The following AFG2A variants were observed in gnomAD, a reference collection of about 807,000 sequenced individuals.
AFG2A encodes the protein ATPase family gene 2 protein homolog A.
the AFG2A span, among the ~76,000 whole-genome samples, chr4:122,989,146 G>T: frequency 6.6e-6 from 1 of 151,850 alleles, no homozygotes. Context: ...TTGTTCCTTT[G>T]GTGTCCTGTT....
At chr4:123,291,707 G>A in the AFG2A span, among the ~76,000 whole-genome samples, 3 of 152,182 alleles carry the variant, frequency 2.0e-5, no homozygotes, top group African/African-American at 7.2e-5. Flanking sequence ...TGGCTTATAA[G>A]GTTTCTGCTG....
the AFG2A span, among the ~76,000 whole-genome samples, chr4:123,242,910 A>G: frequency 6.6e-6 from 1 of 150,886 alleles, no homozygotes; most frequent in Non-Finnish European, 1.5e-5. Context: ...CAAGAAAAAA[A>G]ACAACCCCAT....
chr4:123,135,773 A>G, the AFG2A span, among the ~76,000 whole-genome samples: 1 of 152,328 alleles, frequency 6.6e-6, no homozygotes, highest in Non-Finnish European at 1.5e-5. Flanking sequence ...TTGAGCATCC[A>G]TGGAGTTTAG....
At chr4:123,089,070 A>G in the AFG2A span, among the ~76,000 whole-genome samples, 1 of 152,206 alleles carries the variant, frequency 6.6e-6, no homozygotes, top group African/African-American at 2.4e-5. Context: ...TATTTTAAAT[A>G]CTGGAGAAGA....
At chr4:122,996,305 A>C in the AFG2A span, among the ~76,000 whole-genome samples, 7 of 152,276 alleles carry the variant, frequency 4.6e-5, 1 homozygote, top group Admixed American at 4.6e-4. Context: ...TGTGGACATA[A>C]TTGTGTCTTG....
the AFG2A span, among the ~76,000 whole-genome samples, chr4:123,012,859 G>A: frequency 3.3e-5 from 5 of 152,052 alleles, no homozygotes; most frequent in South Asian, 2.1e-4. Context: ...ACCAGAGGTC[G>A]TAGGTGGATC....
At chr4:123,296,095 T>G in the AFG2A span, among the ~76,000 whole-genome samples, 153 of 151,286 alleles carry the variant, frequency 1.0e-3, 1 homozygote, top group Non-Finnish European at 1.6e-3. Context: ...ACCTGGACAA[T>G]CATAAGTGGC....
the AFG2A span, among the ~76,000 whole-genome samples, chr4:123,153,650 T>TA: frequency 0.072 from 10,877 of 152,046 alleles, 1,258 homozygotes; most frequent in African/African-American, 0.25. Flanking sequence ...AACATGAACA[T>TA]AAAAAATACC....
chr4:123,263,900 C>T, the AFG2A span, among the ~76,000 whole-genome samples: 1 of 152,148 alleles, frequency 6.6e-6, no homozygotes, highest in African/African-American at 2.4e-5. Context: ...GAAAAAGATA[C>T]TTACACATGC....
chr4:123,309,641 G>A, the AFG2A span, among the ~76,000 whole-genome samples: 5 of 152,112 alleles, frequency 3.3e-5, no homozygotes, highest in Non-Finnish European at 7.4e-5. Flanking sequence ...AATATATACA[G>A]GTTGAGTATC....
the AFG2A span, among the ~76,000 whole-genome samples, chr4:123,242,189 G>A: frequency 2.6e-5 from 4 of 152,134 alleles, no homozygotes; most frequent in African/African-American, 9.7e-5. Flanking sequence ...ACTGCCCAAG[G>A]TAATGTACAG....
the AFG2A span, among the ~76,000 whole-genome samples, chr4:123,026,832 C>A: frequency 6.6e-6 from 1 of 152,144 alleles, no homozygotes; most frequent in Non-Finnish European, 1.5e-5. Context: ...ATCACATAGT[C>A]CATATTTTTC....
At chr4:123,076,149 T>C in the AFG2A span, among the ~76,000 whole-genome samples, 2 of 151,984 alleles carry the variant, frequency 1.3e-5, no homozygotes, top group East Asian at 3.9e-4. Context: ...CACAAACCTA[T>C]AGTTCTAGCT....
At chr4:122,953,946 C>G in the AFG2A span, among the ~76,000 whole-genome samples, 1 of 152,210 alleles carries the variant, frequency 6.6e-6, no homozygotes, top group African/African-American at 2.4e-5. Context: ...TGAGTGCAGA[C>G]TAAGATGGTG....
At chr4:122,967,186 T>A in the AFG2A span, among the ~76,000 whole-genome samples, 252 of 152,244 alleles carry the variant, frequency 1.7e-3, 1 homozygote, top group Middle Eastern at 0.014. Flanking sequence ...GAGAATAATT[T>A]GAGGCCAGGA....
At chr4:123,123,783 TAAA>T in the AFG2A span, among the ~76,000 whole-genome samples, 759 of 142,976 alleles carry the variant, frequency 5.3e-3, 2 homozygotes, top group African/African-American at 0.018. Context: ...CCGTCTCTAC[TAAA>T]AAAAAAAATA....
chr4:123,000,218 G>A, the AFG2A span, among the ~76,000 whole-genome samples: 1 of 150,250 alleles, frequency 6.7e-6, no homozygotes. Context: ...AGACAGTGGG[G>A]TTTTCTAGAT....
chr4:123,225,286 A>G, the AFG2A span, among the ~76,000 whole-genome samples: 1 of 152,220 alleles, frequency 6.6e-6, no homozygotes, highest in Non-Finnish European at 1.5e-5. Context: ...GTTCTTGCAC[A>G]TGCCTATGTC....
chr4:123,009,654 T>C, the AFG2A span, among the ~76,000 whole-genome samples: 1 of 152,184 alleles, frequency 6.6e-6, no homozygotes, highest in African/African-American at 2.4e-5. Context: ...TTTGATGGCC[T>C]TGACGATTTT....
Sources: allele counts gnomAD v4.1 joint callset (sites outside exome capture counted in the v4.1 genomes callset), GRCh38; gene constraint gnomAD v4.1.1; transcripts MANE v1.5; gene names NCBI Gene and HGNC (gene_info 2026-07-23, HGNC 2026-07-21).